The following PHACTR1 variants were observed in gnomAD, a reference collection of about 807,000 sequenced individuals.
PHACTR1 encodes the protein phosphatase and actin regulator 1, also known as RPEL repeat containing 1.
Under a neutral mutation model 69.2 loss-of-function variants are expected in PHACTR1, and 16 were observed. The observed-to-expected ratio is 0.23, with a 90% CI of 0.16 to 0.35. The LOEUF (loss-of-function observed/expected upper bound fraction) is 0.35, where lower values mean the gene tolerates loss of function less well. Among genes scored for constraint, PHACTR1 ranks in the 10% least tolerant of loss-of-function variants. The pLI is 1.00. For synonymous variants in PHACTR1, 312 were observed against 284.5 expected, an observed-to-expected ratio of 1.10 and a Z score of -0.97; for missense variants, 510 against 734.7, an observed-to-expected ratio of 0.69 and a Z score of 3.54.
intron 4 of PHACTR1, among the ~76,000 whole-genome samples, chr6:12,864,940 C>A (rs1055871748): frequency 6.6e-6 from 1 of 151,898 alleles, no homozygotes; most frequent in African/African-American, 2.4e-5. Context: ...TGGCCCTAAT[C>A]GACTGTTCTT....
intron 4 of PHACTR1, among the ~76,000 whole-genome samples, chr6:12,805,130 T>G (rs1052690887): frequency 1.3e-5 from 2 of 152,176 alleles, no homozygotes; most frequent in African/African-American, 4.8e-5. Flanking sequence ...ACCTATCAAG[T>G]TATCTTGTTA....
At chr6:12,882,037 A>G (rs1341153140) in intron 4 of PHACTR1, among the ~76,000 whole-genome samples, 1 of 152,194 alleles carries the variant, frequency 6.6e-6, no homozygotes. Context: ...CAGGAGAATT[A>G]AAGACAATGA....
At chr6:12,894,736 C>T (rs1372152188) in intron 4 of PHACTR1, among the ~76,000 whole-genome samples, 3 of 152,134 alleles carry the variant, frequency 2.0e-5, no homozygotes, top group South Asian at 4.1e-4. Context: ...AGCTATAAGA[C>T]ATCTGAGAAA....
chr6:12,969,911 C>G (rs555919594), intron 4 of PHACTR1, among the ~76,000 whole-genome samples: 1 of 152,044 alleles, frequency 6.6e-6, no homozygotes, highest in African/African-American at 2.4e-5. Flanking sequence ...TGCAGTGAGC[C>G]GAGATCATGC....
intron 4 of PHACTR1, among the ~76,000 whole-genome samples, chr6:12,972,459 A>G (rs1477570762): frequency 2.0e-5 from 3 of 152,162 alleles, no homozygotes; most frequent in Non-Finnish European, 4.4e-5. Flanking sequence ...ACAGTTCTGG[A>G]GGTCAGAAGA....
intron 7 of PHACTR1, among the ~76,000 whole-genome samples, chr6:13,191,060 C>T (rs1763513388): frequency 6.6e-6 from 1 of 152,072 alleles, no homozygotes; most frequent in African/African-American, 2.4e-5. Context: ...CTCTGTTTTT[C>T]TCTGATGCTC....
chr6:13,177,172 TAAAAAAAAA>T (rs530741132), intron 6 of PHACTR1, among the ~76,000 whole-genome samples: 16,861 of 63,258 alleles, frequency 0.27, 1,801 homozygotes, highest in South Asian at 0.58. Context: ...ACCCCATCTC[TAAAAAAAAA>T]AAAAAAAAAA....
At chr6:12,823,088 A>G (rs1210473243) in intron 4 of PHACTR1, among the ~76,000 whole-genome samples, 1 of 152,182 alleles carries the variant, frequency 6.6e-6, no homozygotes, top group South Asian at 2.1e-4. Context: ...AAAATTGCAA[A>G]ACCTAATTTT....
chr6:13,249,877 G>A lies in PHACTR1; in HGVS notation c.1391+19684G>A, dbSNP rs931394836. Among the ~76,000 whole-genome samples, 6 of 150,982 alleles carry A rather than the reference G, an allele frequency of 4.0e-5. No individual in the cohort carries two copies. The East Asian group carries it at 7.7e-4, about 19-fold the overall frequency. On this transcript the variant is annotated intron_variant, in intron 10 of 14. Coordinates refer to ENST00000332995, the MANE Select transcript of PHACTR1 (RefSeq NM_030948.6). ...TCATTGGGAAACCAAAATAATTTCC[G>A]TCTTGTAAGTTATGACCATTTATGT...
intron 10 of PHACTR1, chr6:13,272,508 C>T: frequency 2.6e-6 from 1 of 378,830 alleles, no homozygotes; most frequent in African/African-American, 2.1e-5. Context: ...CAAGAGGCCA[C>T]AGTCCCCAAG....
intron 4 of PHACTR1, among the ~76,000 whole-genome samples, chr6:12,842,296 G>A (rs896507193): frequency 9.9e-5 from 15 of 152,096 alleles, no homozygotes; most frequent in African/African-American, 3.6e-4. Context: ...TTCTCTCAGT[G>A]TGGCACACTA....
chr6:12,867,082 G>C (rs1222028419), intron 4 of PHACTR1, among the ~76,000 whole-genome samples: 1 of 152,158 alleles, frequency 6.6e-6, no homozygotes, highest in Non-Finnish European at 1.5e-5. Context: ...TCAGGCACTG[G>C]TGAAAGGAAA....
chr6:12,760,182 T>C (rs958463522), intron 4 of PHACTR1, among the ~76,000 whole-genome samples: 2 of 152,218 alleles, frequency 1.3e-5, no homozygotes, highest in African/African-American at 4.8e-5. Context: ...TCGTTTCTGA[T>C]GACCACATCT....
At chr6:12,751,878 T>C (rs1230038801) in intron 4 of PHACTR1, among the ~76,000 whole-genome samples, 7 of 152,218 alleles carry the variant, frequency 4.6e-5, no homozygotes. Flanking sequence ...TGGTCTGTAC[T>C]GCAGTCAGGG....
At chr6:13,101,677 ATTT>A (rs983703239) in intron 5 of PHACTR1, among the ~76,000 whole-genome samples, 1 of 152,214 alleles carries the variant, frequency 6.6e-6, no homozygotes, top group African/African-American at 2.4e-5. Context: ...GGTGGACAGT[ATTT>A]CACCATTGGT....
At chr6:13,258,313 C>T (rs1775463738) in intron 10 of PHACTR1, among the ~76,000 whole-genome samples, 1 of 151,482 alleles carries the variant, frequency 6.6e-6, no homozygotes, top group Non-Finnish European at 1.5e-5. Flanking sequence ...TGAGATCGCG[C>T]CACTGCACTC....
chr6:12,748,594 T>C (rs1407906223), intron 3 of PHACTR1, among the ~76,000 whole-genome samples: 1 of 152,192 alleles, frequency 6.6e-6, no homozygotes, highest in Non-Finnish European at 1.5e-5. Context: ...GAAACCTTTC[T>C]AGGTTCTTCT....
At chr6:12,760,106 T>C (rs1767862412) in intron 4 of PHACTR1, among the ~76,000 whole-genome samples, 1 of 152,238 alleles carries the variant, frequency 6.6e-6, no homozygotes. Flanking sequence ...AGGTCCATTA[T>C]GTTTCTCCTT....
chr6:12,724,398 T>C (rs1405602226), intron 3 of PHACTR1, among the ~76,000 whole-genome samples: 3 of 152,186 alleles, frequency 2.0e-5, no homozygotes, highest in Admixed American at 2.0e-4. Flanking sequence ...TGTATATTCA[T>C]TGTATCTGTT....
Sources: allele counts gnomAD v4.1 joint callset (sites outside exome capture counted in the v4.1 genomes callset), GRCh38; gene constraint gnomAD v4.1.1; transcripts MANE v1.5; gene names NCBI Gene and HGNC (gene_info 2026-07-23, HGNC 2026-07-21).